Variants in GRIP2 observed in about 807,000 individuals in gnomAD.
GRIP2 encodes glutamate receptor-interacting protein 2.
In GRIP2, 58 loss-of-function variants were observed where a neutral mutation model predicts 108.3. The ratio of observed to expected loss-of-function variants is 0.54; its 90% confidence interval spans 0.43 to 0.67. The LOEUF (loss-of-function observed/expected upper bound fraction) is 0.67, where lower values mean the gene tolerates loss of function less well. Among genes scored for constraint, GRIP2 ranks in the 30% least tolerant of loss-of-function variants. The pLI is 0.00. For synonymous variants in GRIP2, 586 were observed against 598.2 expected (o/e 0.98, Z 0.30); for missense variants, 1,278 against 1,430.6 (o/e 0.89, Z 1.72).
chr3:14,568,751 C>T, the GRIP2 span, among the ~76,000 whole-genome samples: 8 of 152,124 alleles, frequency 5.3e-5, no homozygotes, highest in South Asian at 2.1e-4. Context: ...CAGGTGAGAG[C>T]GAGGGAGGAA....
At chr3:14,555,146 T>C (rs1421027535) in intron 1 of GRIP2, among the ~76,000 whole-genome samples, 2 of 152,154 alleles carry the variant, frequency 1.3e-5, no homozygotes, top group African/African-American at 4.8e-5. Flanking sequence ...GCTGAGCATG[T>C]GTCCAGGGAT....
At chr3:14,564,200 A>G in the GRIP2 span, among the ~76,000 whole-genome samples, 4 of 152,262 alleles carry the variant, frequency 2.6e-5, no homozygotes, top group African/African-American at 9.6e-5. Flanking sequence ...AACAGGTGGC[A>G]TGTCTGTTAA....
chr3:14,553,061 T>C (rs947744762), intron 1 of GRIP2, among the ~76,000 whole-genome samples: 5 of 151,264 alleles, frequency 3.3e-5, no homozygotes, highest in African/African-American at 1.2e-4. Context: ...AAGACTCTCA[T>C]GGGGTCTTGA....
the GRIP2 span, among the ~76,000 whole-genome samples, chr3:14,567,941 A>G: frequency 0.029 from 4,436 of 152,256 alleles, 83 homozygotes; most frequent in South Asian, 0.068. Flanking sequence ...GGAATAGGGG[A>G]CCCAACCATG....
the GRIP2 span, among the ~76,000 whole-genome samples, chr3:14,595,798 G>C: frequency 2.0e-5 from 3 of 152,258 alleles, no homozygotes; most frequent in East Asian, 1.9e-4. Context: ...GCATCCTCGT[G>C]GTGGGGCCAT....
chr3:14,561,708 C>A, the GRIP2 span, among the ~76,000 whole-genome samples: 1 of 152,230 alleles, frequency 6.6e-6, no homozygotes, highest in African/African-American at 2.4e-5. Flanking sequence ...ATCAGAGATG[C>A]CTTTAATCTT....
Position 14,505,507 on chromosome 3 carries a change from A to G in GRIP2, c.2573+108T>C. On this transcript the variant is annotated intron_variant, in intron 20 of 23. Coordinates refer to ENST00000621039, the MANE Select transcript of GRIP2 (RefSeq NM_001080423.4). This position sits in a 1 kb window ranked among gnomAD's most constrained non-coding sequence, Gnocchi z 4.2. ...CTCCCAGGAGGCACCCCTCCTCAGG[A>G]GCCCGCCAAGACTCTCCATTCCCCC... 3 of 1,262,872 alleles carry G rather than the reference A, an allele frequency of 2.4e-6. No individual in the cohort carries two copies. Among genetic ancestry groups the G allele is most frequent in the Admixed American group, 2.2e-5 (1 of 46,102 alleles). 78.2% of individuals were successfully genotyped at this position (1,262,872 alleles called of 1,614,324 possible). A position where few individuals can be genotyped will look rare whatever the true frequency, so the allele number is the denominator to read the frequency against.
intron 1 of GRIP2, among the ~76,000 whole-genome samples, chr3:14,532,984 C>A (rs1195317189): frequency 2.6e-5 from 4 of 152,234 alleles, no homozygotes; most frequent in Non-Finnish European, 5.9e-5. Flanking sequence ...GGGCTGGGCT[C>A]TCTTTGCTTG....
chr3:14,566,425 C>T, the GRIP2 span, among the ~76,000 whole-genome samples: 4 of 152,368 alleles, frequency 2.6e-5, no homozygotes, highest in East Asian at 5.8e-4. Flanking sequence ...CAGATGGTAG[C>T]TCAAGAACTG....
chr3:14,563,014 A>G, the GRIP2 span, among the ~76,000 whole-genome samples: 5 of 150,202 alleles, frequency 3.3e-5, no homozygotes, highest in Non-Finnish European at 5.9e-5. Flanking sequence ...AGAGTGGGGG[A>G]AAAAAAAAAG....
chr3:14,590,967 C>T, the GRIP2 span, among the ~76,000 whole-genome samples: 1 of 152,108 alleles, frequency 6.6e-6, no homozygotes, highest in African/African-American at 2.4e-5. Context: ...CAAACAAGAC[C>T]CACCTGTGAG....
At chr3:14,497,599 T>A (rs1269734629) in intron 21 of GRIP2, among the ~76,000 whole-genome samples, 2 of 152,016 alleles carry the variant, frequency 1.3e-5, no homozygotes, top group Non-Finnish European at 2.9e-5. Context: ...GTGAACTTCA[T>A]CCCAGGAGCA....
At chr3:14,600,109 C>T in the GRIP2 span, among the ~76,000 whole-genome samples, 1 of 152,194 alleles carries the variant, frequency 6.6e-6, no homozygotes, top group Non-Finnish European at 1.5e-5. Flanking sequence ...CACAAACCTA[C>T]TGGATCCCCT....
rs781044332 is a variant in GRIP2, at chr3:14,511,420, C to T, written c.1780G>A (p.Ala594Thr). The change falls in exon 15 of 24, where the codon GCA becomes ACA. Residue 594 changes from alanine to threonine, a missense_variant. By Grantham distance (58) the Ala-to-Thr change is moderately conservative (BLOSUM62 0). Transcript: ENST00000621039. The surrounding 1 kb of genome is among the most constrained non-coding windows in gnomAD (Gnocchi z 4.1). ...GTGCCCCAGTGCCCCTACCTGTGTG[C>T]CACGCTGCCTTTCTTGATGTCGGAG... is the stretch of plus-strand genomic sequence containing the variant. The part of the protein sequence containing the change: ...IISDIKKGSV[A>T]HRTGTLEPGD... 3.1e-6 allele frequency: 5 copies of T among 1,613,980 alleles called. No homozygotes were observed. The highest frequency in any genetic ancestry group is 1.7e-4 in the Middle Eastern group (1 of 6,022).
the GRIP2 span, among the ~76,000 whole-genome samples, chr3:14,578,849 T>TG: frequency 4.6e-5 from 7 of 150,704 alleles, no homozygotes; most frequent in African/African-American, 7.3e-5. Flanking sequence ...GGCCAGCTGT[T>TG]TTTTTTTTTT....
chr3:14,517,650 C>A, intron 10 of GRIP2, 122 bp downstream of exon 10: 1 of 1,292,364 alleles, frequency 7.7e-7, no homozygotes. Context: ...CACAGGCGTG[C>A]ACCACCACAC....
chr3:14,534,848 A>G (rs1694796161), intron 1 of GRIP2, among the ~76,000 whole-genome samples: 1 of 151,986 alleles, frequency 6.6e-6, no homozygotes, highest in African/African-American at 2.4e-5. Context: ...GGGGCTATTG[A>G]GCTTTGACAA....
chr3:14,533,924 G>T (rs981065583), intron 1 of GRIP2, among the ~76,000 whole-genome samples: 2 of 152,202 alleles, frequency 1.3e-5, no homozygotes, highest in African/African-American at 4.8e-5. Context: ...ACTACTGTGC[G>T]CAAAGAGTCA....
chr3:14,545,596 C>A (rs1433172871), upstream of GRIP2, among the ~76,000 whole-genome samples: 1 of 152,232 alleles, frequency 6.6e-6, no homozygotes, highest in South Asian at 2.1e-4. Context: ...CAATAGCTTC[C>A]CTCCTGGAGG....
Sources: allele counts gnomAD v4.1 joint callset (sites outside exome capture counted in the v4.1 genomes callset), GRCh38; gene constraint gnomAD v4.1.1; non-coding constraint Gnocchi (gnomAD v3.1); transcripts MANE v1.5; gene names NCBI Gene and HGNC (gene_info 2026-07-23, HGNC 2026-07-21).